GALNTL6: variants seen among roughly 807,000 people sequenced by gnomAD.
GALNTL6 encodes polypeptide N-acetylgalactosaminyltransferase like 6, also known as polypeptide N-acetylgalactosaminyltransferase-like 6.
In GALNTL6, 46 loss-of-function variants were observed where a neutral mutation model predicts 73.7. The observed-to-expected ratio is 0.62, with a 90% CI of 0.49 to 0.80. The LOEUF (loss-of-function observed/expected upper bound fraction) is 0.80, where lower values mean the gene tolerates loss of function less well. GALNTL6 is among the 30% of genes least tolerant of loss of function. The pLI is 0.00. For missense variants in GALNTL6, 604 were observed against 755.0 expected, an observed-to-expected ratio of 0.80 and a Z score of 2.34; for synonymous variants, 259 against 263.7, an observed-to-expected ratio of 0.98 and a Z score of 0.17.
chr4:172,803,020 T>C lies in GALNTL6; in HGVS notation c.554-6341T>C, dbSNP rs146670312. On this transcript the variant is annotated intron_variant, in intron 5 of 12. Coordinates refer to ENST00000506823, the MANE Select transcript of GALNTL6 (RefSeq NM_001034845.3). ...ATGGTATATAAGCTCTGAAAAACTT[T>C]GTAATTTTGAGTTGGTCTGGCAATA... 6.3e-3 allele frequency among the ~76,000 whole-genome samples: 964 copies of C among 152,326 alleles called. 2 individuals are homozygous for C. Among genetic ancestry groups the C allele is most frequent in the Middle Eastern group, 0.017 (5 of 294 alleles).
chr4:171,898,577 T>C (rs1409423180), intron 2 of GALNTL6, among the ~76,000 whole-genome samples: 2 of 152,084 alleles, frequency 1.3e-5, no homozygotes, highest in Admixed American at 1.3e-4. Context: ...AGTATCAACC[T>C]ATGTAAGGAA....
intron 2 of GALNTL6, among the ~76,000 whole-genome samples, chr4:172,055,093 T>C (rs1182537927): frequency 1.3e-5 from 2 of 152,128 alleles, no homozygotes; most frequent in Non-Finnish European, 2.9e-5. Flanking sequence ...CTTTATTATT[T>C]GCTGAATGAG....
intron 5 of GALNTL6, among the ~76,000 whole-genome samples, chr4:172,581,970 C>T (rs976638315): frequency 6.6e-6 from 1 of 152,162 alleles, no homozygotes; most frequent in Non-Finnish European, 1.5e-5. Context: ...ATCATATCAG[C>T]GTTTTGTTCT....
intron 2 of GALNTL6, among the ~76,000 whole-genome samples, chr4:171,822,121 T>C (rs1734702867): frequency 6.6e-6 from 1 of 152,116 alleles, no homozygotes; most frequent in Non-Finnish European, 1.5e-5. Flanking sequence ...GGCAAGAAAC[T>C]GAGAACTACT....
intron 5 of GALNTL6, among the ~76,000 whole-genome samples, chr4:172,680,148 C>T (rs945113764): frequency 6.6e-6 from 1 of 151,996 alleles, no homozygotes; most frequent in Non-Finnish European, 1.5e-5. Context: ...TATTTTTGAG[C>T]CAGAATCAGG....
In GALNTL6 at chr4:173,028,059, T is replaced by C. The variant is rs533844686; in HGVS notation, c.1638+6434T>C. Among the ~76,000 whole-genome samples the C allele has an allele frequency of 3.3e-5, 5 of 152,270 alleles. No individual in the cohort carries two copies. In the South Asian group the frequency reaches 8.3e-4, roughly 25 times the overall value. ...AGGGATCCATCATGTTCAAGGATTA[T>C]GTCTCAATATTGTGAAGATGTCAGT... On this transcript the variant is annotated intron_variant, in intron 12 of 12. Transcript: ENST00000506823.
At chr4:172,533,771 T>C (rs1735250215) in intron 5 of GALNTL6, among the ~76,000 whole-genome samples, 2 of 152,188 alleles carry the variant, frequency 1.3e-5, no homozygotes, top group Admixed American at 6.5e-5. Flanking sequence ...AATGATGTTA[T>C]AGGAAAAATT....
At chr4:172,816,714 G>T (rs529279312) in intron 7 of GALNTL6, among the ~76,000 whole-genome samples, 1 of 152,276 alleles carries the variant, frequency 6.6e-6, no homozygotes, top group African/African-American at 2.4e-5. Context: ...AAGGGATCCT[G>T]TTTTTCAACA....
chr4:172,171,721 C>T (rs570952493), intron 2 of GALNTL6, among the ~76,000 whole-genome samples: 1 of 145,676 alleles, frequency 6.9e-6, no homozygotes, highest in East Asian at 1.9e-4. Flanking sequence ...GTCTGTGGTC[C>T]CAGCTATGTG....
At chr4:172,576,218 A>G (rs1736950133) in intron 5 of GALNTL6, among the ~76,000 whole-genome samples, 1 of 152,216 alleles carries the variant, frequency 6.6e-6, no homozygotes, top group Admixed American at 6.5e-5. Context: ...CGCTCATTAC[A>G]GAATGAAGTG....
intron 5 of GALNTL6, among the ~76,000 whole-genome samples, chr4:172,532,434 C>G (rs763383112): frequency 3.9e-5 from 6 of 152,104 alleles, no homozygotes; most frequent in Admixed American, 1.3e-4. Flanking sequence ...CTGCTGACAC[C>G]TTGAGTTTGG....
At chr4:172,978,499 A>C (rs1750933361) in intron 10 of GALNTL6, among the ~76,000 whole-genome samples, 1 of 152,324 alleles carries the variant, frequency 6.6e-6, no homozygotes, top group African/African-American at 2.4e-5. Flanking sequence ...CAGCCACAAT[A>C]TGGCAGACTG....
intron 2 of GALNTL6, among the ~76,000 whole-genome samples, chr4:172,110,537 C>T (rs1732823139): frequency 6.6e-6 from 1 of 152,168 alleles, no homozygotes; most frequent in Non-Finnish European, 1.5e-5. Context: ...AGCCAACAAG[C>T]ATTTTCTGCC....
At chr4:172,396,316 CTTTT>C (rs10715891) in intron 5 of GALNTL6, among the ~76,000 whole-genome samples, 1 of 137,544 alleles carries the variant, frequency 7.3e-6, no homozygotes. Flanking sequence ...CTTTTTTTTT[CTTTT>C]TTTTTTTTTT....
At chr4:172,283,902 G>C (rs1448022211) in intron 3 of GALNTL6, among the ~76,000 whole-genome samples, 1 of 152,122 alleles carries the variant, frequency 6.6e-6, no homozygotes, top group South Asian at 2.1e-4. Context: ...AATTTATAGT[G>C]ACTAAAATGT....
chr4:172,697,840 G>A (rs1733787241), intron 5 of GALNTL6, among the ~76,000 whole-genome samples: 1 of 151,986 alleles, frequency 6.6e-6, no homozygotes, highest in Non-Finnish European at 1.5e-5. Context: ...TAACAAACAA[G>A]ACTAATAGAG....
chr4:172,799,264 A>G (rs1268407986), intron 5 of GALNTL6, among the ~76,000 whole-genome samples: 1 of 152,210 alleles, frequency 6.6e-6, no homozygotes, highest in Non-Finnish European at 1.5e-5. Context: ...ATAGTCACAT[A>G]GATTTAGACT....
intron 2 of GALNTL6, among the ~76,000 whole-genome samples, chr4:172,141,069 T>C (rs544824367): frequency 1.3e-5 from 2 of 152,200 alleles, no homozygotes; most frequent in South Asian, 4.1e-4. Flanking sequence ...TTGCCCTTTA[T>C]GTAAATTAAA....
chr4:172,091,206 T>C (rs1321562544), intron 2 of GALNTL6, among the ~76,000 whole-genome samples: 2 of 152,206 alleles, frequency 1.3e-5, no homozygotes, highest in African/African-American at 4.8e-5. Context: ...TGTTTCATCC[T>C]TGGCCTAATT....
Sources: gnomAD v4.1 joint callset for allele counts (sites outside exome capture counted in the v4.1 genomes callset) on GRCh38, gnomAD v4.1.1 for gene constraint, MANE v1.5 for transcripts, NCBI Gene and HGNC (gene_info 2026-07-23, HGNC 2026-07-21) for gene names.